BEAN1: variants seen among roughly 807,000 people sequenced by gnomAD.
BEAN1 encodes the protein brain expressed associated with NEDD4 1, also known as protein BEAN1.
A neutral mutation model predicts 17.7 loss-of-function variants in BEAN1; 17 were observed. That is an observed-to-expected ratio of 0.96 (90% CI 0.66 to 1.44). BEAN1 has a LOEUF of 1.44. BEAN1 is among the 40% of genes most tolerant of loss of function. The probability of loss-of-function intolerance (pLI) is 0.00; values close to 1 mark genes in which losing one functional copy is unlikely to be tolerated. For missense variants in BEAN1, 359 were observed against 374.1 expected, an observed-to-expected ratio of 0.96 and a Z score of 0.33; for synonymous variants, 142 against 151.8, an observed-to-expected ratio of 0.94 and a Z score of 0.47.
intron 4 of BEAN1, among the ~76,000 whole-genome samples, chr16:66,479,547 C>A (rs950165655): frequency 2.2e-4 from 34 of 151,642 alleles, no homozygotes; most frequent in African/African-American, 7.7e-4. Flanking sequence ...CCCCTCCAAA[C>A]ACACACACAC....
chr16:66,472,884 T>C (rs1963537885), intron 3 of BEAN1, among the ~76,000 whole-genome samples: 1 of 151,760 alleles, frequency 6.6e-6, no homozygotes, highest in Non-Finnish European at 1.5e-5. Context: ...TATCCAGGTG[T>C]GATGGCACAT....
chr16:66,459,847 T>C (rs1034516200), intron 2 of BEAN1, among the ~76,000 whole-genome samples: 3 of 152,244 alleles, frequency 2.0e-5, no homozygotes, highest in African/African-American at 4.8e-5. Context: ...CTTTAAGTCC[T>C]GACTTGCTCT....
rs901600646 is a variant in BEAN1 at position 66,480,544 on chromosome 16, T to C, written c.441-42T>C. The C allele has an allele frequency of 1.2e-5, 17 of 1,441,680 alleles. No homozygotes were observed. In the African/African-American group the frequency reaches 2.3e-4, roughly 19 times the overall value. The allele number at this position is 1,441,680 out of a possible 1,614,324, so 89.3% of individuals were successfully genotyped here. The stretch of plus-strand genomic sequence containing the variant: ...CAGGCCTTTGGGAGAGACCCAGCCC[T>C]AAGGCCTAGGTGGGGCACTGAGGGA... On this transcript the variant is annotated intron_variant, in intron 4 of 4. Transcript: ENST00000536005.
At chr16:66,475,425 A>C (rs866369457) in intron 3 of BEAN1, among the ~76,000 whole-genome samples, 1 of 152,202 alleles carries the variant, frequency 6.6e-6, no homozygotes, top group Non-Finnish European at 1.5e-5. Flanking sequence ...CACTCCTCTC[A>C]GGTCCAGGAA....
intron 2 of BEAN1, among the ~76,000 whole-genome samples, chr16:66,451,593 C>A (rs1201913454): frequency 1.3e-5 from 2 of 152,188 alleles, no homozygotes; most frequent in African/African-American, 4.8e-5. Context: ...TAGGGAATGT[C>A]TTTAAATTTT....
At chr16:66,470,210 G>A (rs1597029532) in intron 3 of BEAN1, 1 of 440,258 alleles carries the variant, frequency 2.3e-6, no homozygotes, top group East Asian at 4.1e-5. Context: ...ATGGATGGAT[G>A]GATGGATGGT....
chr16:66,461,322 G>T (rs551899446), intron 2 of BEAN1, among the ~76,000 whole-genome samples: 56 of 152,162 alleles, frequency 3.7e-4, no homozygotes, highest in Non-Finnish European at 7.9e-4. Context: ...ACCTCTGCCG[G>T]TTGTGGTGAC....
chr16:66,444,234 C>T (rs942151962), intron 2 of BEAN1, among the ~76,000 whole-genome samples: 1 of 152,186 alleles, frequency 6.6e-6, no homozygotes, highest in African/African-American at 2.4e-5. Flanking sequence ...AGCTCTTCCC[C>T]AGAGCTCCCT....
intron 2 of BEAN1, among the ~76,000 whole-genome samples, chr16:66,459,760 G>C (rs1178440078): frequency 6.6e-6 from 1 of 152,162 alleles, no homozygotes; most frequent in African/African-American, 2.4e-5. Context: ...GTCCTCAGCA[G>C]GGCCCCAAGA....
At chr16:66,493,202 G>A (rs771159228) in exon 5 of BEAN1, 11 of 702,876 alleles carry the variant, frequency 1.6e-5, no homozygotes, top group East Asian at 2.7e-5. Context: ...AGAGAAACTC[G>A]CTAGGACCCA....
chr16:66,473,476 C>T lies in BEAN1; in HGVS notation c.289+3611C>T, dbSNP rs1005127340. On this transcript the variant is annotated intron_variant, in intron 3 of 4. Transcript: ENST00000536005. The surrounding 1 kb of genome is among the most constrained non-coding windows in gnomAD (Gnocchi z 4.5). Reference sequence around the variant, plus strand: ...CTTCTGGAGGATGCGCAGGGGCTGCCGGGAGCCTTGGGAGGGTGCCAGGGA... The same window carrying T: ...CTTCTGGAGGATGCGCAGGGGCTGCTGGGAGCCTTGGGAGGGTGCCAGGGA... 3.9e-5 allele frequency among the ~76,000 whole-genome samples: 6 copies of T among 152,190 alleles called. No homozygotes were observed. The highest frequency in any genetic ancestry group is 1.9e-4 in the East Asian group (1 of 5,148).
intron 2 of BEAN1, among the ~76,000 whole-genome samples, chr16:66,465,697 C>G (rs545618595): frequency 2.0e-4 from 30 of 152,200 alleles, no homozygotes; most frequent in Non-Finnish European, 3.4e-4. Flanking sequence ...TCCAATGAAG[C>G]TATCTGGTCC....
chr16:66,485,107 G>T (rs1333219477), downstream of BEAN1: 1 of 454,116 alleles, frequency 2.2e-6, no homozygotes, highest in South Asian at 1.6e-5. Flanking sequence ...CGGAAGGAGG[G>T]TTGATACAGA....
intron 1 of BEAN1, among the ~76,000 whole-genome samples, chr16:66,429,836 G>A (rs913381009): frequency 1.3e-5 from 2 of 149,498 alleles, no homozygotes; most frequent in African/African-American, 4.9e-5. Context: ...CTCAGGATTT[G>A]GAACACAGCC....
chr16:66,464,247 T>C (rs1429568805), intron 2 of BEAN1, among the ~76,000 whole-genome samples: 1 of 152,238 alleles, frequency 6.6e-6, no homozygotes, highest in Non-Finnish European at 1.5e-5. Flanking sequence ...CAATATTTAG[T>C]CTTCTGAAAC....
At chr16:66,445,285 G>T (rs1056504265) in intron 2 of BEAN1, among the ~76,000 whole-genome samples, 1 of 151,358 alleles carries the variant, frequency 6.6e-6, no homozygotes, top group Admixed American at 6.6e-5. Context: ...GACCATCCTG[G>T]CTAACACGAT....
intron 2 of BEAN1, among the ~76,000 whole-genome samples, chr16:66,446,155 C>T (rs1286939728): frequency 6.6e-6 from 1 of 151,822 alleles, no homozygotes; most frequent in Non-Finnish European, 1.5e-5. Context: ...TGATCTCCAG[C>T]CTGGGTGATA....
exon 5 of BEAN1, chr16:66,493,319 G>A: frequency 1.4e-6 from 1 of 697,566 alleles, no homozygotes. Flanking sequence ...CTCAGAAGGG[G>A]TGGGGTCCGA....
At chr16:66,458,332 A>G (rs1236567831) in intron 2 of BEAN1, among the ~76,000 whole-genome samples, 2 of 152,162 alleles carry the variant, frequency 1.3e-5, no homozygotes, top group South Asian at 2.1e-4. Context: ...CCCTGCCCTT[A>G]ATGTTCCCCA....
Sources: allele counts gnomAD v4.1 joint callset (sites outside exome capture counted in the v4.1 genomes callset), GRCh38; gene constraint gnomAD v4.1.1; non-coding constraint Gnocchi (gnomAD v3.1); transcripts MANE v1.5; gene names NCBI Gene and HGNC (gene_info 2026-07-23, HGNC 2026-07-21).